Variants in JADE1 observed in about 807,000 individuals in gnomAD.
JADE1 encodes the protein protein Jade-1.
In JADE1, 14 loss-of-function variants were observed where a neutral mutation model predicts 81.8. That is an observed-to-expected ratio of 0.17 (90% CI 0.11 to 0.27). The LOEUF (loss-of-function observed/expected upper bound fraction) is 0.27, where lower values mean the gene tolerates loss of function less well. JADE1 is among the 10% of genes least tolerant of loss of function. The pLI is 1.00. For synonymous variants in JADE1, 353 were observed against 391.9 expected (o/e 0.90, Z 1.17); for missense variants, 690 against 1,047.9 (o/e 0.66, Z 4.71).
At chr4:128,842,458 C>T (rs1440607382) in intron 2 of JADE1, among the ~76,000 whole-genome samples, 1 of 152,068 alleles carries the variant, frequency 6.6e-6, no homozygotes, top group Non-Finnish European at 1.5e-5. Context: ...TGCCACCACG[C>T]GAAGCTAATT....
At chr4:128,856,725 C>T (rs1025036967) in intron 7 of JADE1, among the ~76,000 whole-genome samples, 2 of 151,942 alleles carry the variant, frequency 1.3e-5, no homozygotes, top group African/African-American at 4.8e-5. Context: ...GTACATTTTC[C>T]TCTTGGGGAA....
chr4:128,811,328 G>A (rs541361595), intron 1 of JADE1: 5 of 152,278 alleles, frequency 3.3e-5, no homozygotes, highest in African/African-American at 1.2e-4. Context: ...GCAGGTGCAC[G>A]GCACCCGCCA....
At chr4:128,842,887 C>T (rs934343844) in intron 2 of JADE1, 66 bp from the exon 3 acceptor site, 2 of 1,426,456 alleles carry the variant, frequency 1.4e-6, no homozygotes, top group Non-Finnish European at 2.0e-6. Flanking sequence ...GGTAAGAAAA[C>T]CCCTGAGAAC....
intron 1 of JADE1, among the ~76,000 whole-genome samples, chr4:128,816,086 TA>T (rs1727005672): frequency 6.6e-6 from 1 of 152,160 alleles, no homozygotes; most frequent in African/African-American, 2.4e-5. Context: ...TCAGCAATCT[TA>T]AATTAGGAAA....
At chr4:128,842,215 G>T (rs6857659) in intron 2 of JADE1, among the ~76,000 whole-genome samples, 124,815 of 152,164 alleles carry the variant, frequency 0.82, 51,452 homozygotes, top group South Asian at 0.92. Flanking sequence ...TAAGTTTTTA[G>T]GCCTTGTAGA....
At chr4:128,852,009 A>T in intron 5 of JADE1, 48 bp from the exon 6 acceptor site, 1 of 1,149,748 alleles carries the variant, frequency 8.7e-7, no homozygotes, top group Non-Finnish European at 1.3e-6. Context: ...TGTAATATTT[A>T]TTAATATGGA....
rs145375658 is a variant in JADE1, at chr4:128,872,122, G to A, written c.2389G>A (p.Asp797Asn). 143 of 1,614,154 alleles carry A rather than the reference G, an allele frequency of 8.9e-5. No individual in the cohort carries two copies. The highest frequency in any genetic ancestry group is 1.5e-4 in the South Asian group (14 of 91,082). ...KERAKSKLKS[D>N]NENDGYVPDV... ...AAGGGCAAAAAGCAAATTAAAATCC[G>A]ACAATGAGAATGACGGGTATGTCCC... Residue 797 changes from aspartate (D) to asparagine (N), a missense_variant, in exon 11 of 11, where the codon GAC becomes AAC. Transcript: ENST00000226319.
In JADE1 at chr4:128,871,524, A is replaced by C. The variant is rs147418266; in HGVS notation, c.1791A>C (p.Arg597=). 1.6e-4 allele frequency: 253 copies of C among 1,614,052 alleles called. No individual in the cohort carries two copies. The highest frequency in any genetic ancestry group is 2.0e-4 in the Non-Finnish European group (239 of 1,180,034). ...LVHSLKKPHK[R]DPLQNSPGSE... ...ATTCGCTGAAAAAGCCCCATAAGCG[A>C]GATCCTTTGCAGAATAGCCCTGGAA... Residue 597 remains arginine, a synonymous_variant, in exon 11 of 11, where the codon CGA becomes CGC. Transcript: ENST00000226319. The surrounding 1 kb of genome is among the most constrained non-coding windows in gnomAD (Gnocchi z 4.1).
intron 1 of JADE1, among the ~76,000 whole-genome samples, chr4:128,828,144 A>G (rs540608912): frequency 5.9e-5 from 9 of 152,060 alleles, no homozygotes; most frequent in African/African-American, 1.9e-4. Flanking sequence ...TTCATCCAGC[A>G]CCTCCTAATA....
At chr4:128,843,359 C>G (rs1729608895) in intron 3 of JADE1, among the ~76,000 whole-genome samples, 1 of 152,168 alleles carries the variant, frequency 6.6e-6, no homozygotes, top group African/African-American at 2.4e-5. Flanking sequence ...CTCCCAACAA[C>G]TTTTCTTCCT....
intron 2 of JADE1, among the ~76,000 whole-genome samples, chr4:128,832,091 A>C (rs1728607576): frequency 6.6e-6 from 1 of 152,200 alleles, no homozygotes. Flanking sequence ...TGGTTTTCCT[A>C]AACATCATTT....
intron 1 of JADE1, among the ~76,000 whole-genome samples, chr4:128,825,247 C>T (rs1241504792): frequency 1.3e-5 from 2 of 152,136 alleles, no homozygotes; most frequent in African/African-American, 4.8e-5. Context: ...CGCCATGTTG[C>T]TAGGCTGGTC....
At chr4:128,834,139 C>T (rs1728779793) in intron 2 of JADE1, among the ~76,000 whole-genome samples, 1 of 152,182 alleles carries the variant, frequency 6.6e-6, no homozygotes, top group African/African-American at 2.4e-5. Flanking sequence ...CAGAAGGCCT[C>T]ATATTAGTCA....
At chr4:128,866,740 G>A (rs1371179183) in intron 9 of JADE1, among the ~76,000 whole-genome samples, 1 of 152,200 alleles carries the variant, frequency 6.6e-6, no homozygotes, top group Non-Finnish European at 1.5e-5. Flanking sequence ...GTGAAGGCAT[G>A]CCTGTAGGAG....
chr4:128,856,934 T>C lies in JADE1; in HGVS notation c.865-404T>C, dbSNP rs189117402. 8.3e-4 allele frequency among the ~76,000 whole-genome samples: 127 copies of C among 152,326 alleles called. 1 individual carries two copies. The highest frequency in any genetic ancestry group is 2.8e-3 in the African/African-American group (116 of 41,560). ...GAAAATGGTTTTTTTTGGCGAGAGA[T>C]TAAAAACAGGTTATATTTACTTACC... is the stretch of plus-strand genomic sequence containing the variant. On this transcript the variant is annotated intron_variant, in intron 7 of 10. Coordinates refer to ENST00000226319, the MANE Select transcript of JADE1 (RefSeq NM_199320.4).
chr4:128,826,202 A>G (rs553283367), intron 1 of JADE1, among the ~76,000 whole-genome samples: 1 of 152,300 alleles, frequency 6.6e-6, no homozygotes, highest in Admixed American at 6.5e-5. Flanking sequence ...TGTCAGGGTG[A>G]GCCGTGTCGA....
In JADE1 at chr4:128,871,751, T is replaced by C. The variant is rs768121662; in HGVS notation, c.2018T>C (p.Leu673Ser). Residue 673 changes from leucine to serine, a missense_variant, in exon 11 of 11, where the codon TTA becomes TCA. Coordinates refer to ENST00000226319, the MANE Select transcript of JADE1 (RefSeq NM_199320.4). The surrounding 1 kb of genome is among the most constrained non-coding windows in gnomAD (Gnocchi z 4.1). ...RFHCDLIKGD[L>S]KDKSFKQSHK... ...CATTGTGATCTCATTAAAGGAGACT[T>C]AAAGGACAAATCTTTTAAACAGAGT... is the stretch of plus-strand genomic sequence containing the variant. The C allele has an allele frequency of 1.9e-6, 3 of 1,614,018 alleles. No homozygotes were observed. The African/African-American group carries it at 4.0e-5, about 22-fold the overall frequency.
chr4:128,850,187 A>C (rs1021201114), intron 5 of JADE1, among the ~76,000 whole-genome samples: 1 of 151,128 alleles, frequency 6.6e-6, no homozygotes, highest in Admixed American at 6.6e-5. Context: ...CCAGCCACTC[A>C]GGAGGCTGAG....
intron 1 of JADE1, among the ~76,000 whole-genome samples, chr4:128,811,001 G>A (rs1402290396): frequency 6.6e-6 from 1 of 152,210 alleles, no homozygotes; most frequent in African/African-American, 2.4e-5. Flanking sequence ...TGAACGTGTA[G>A]TGTGTACCCC....
Sources: gnomAD v4.1 joint callset for allele counts (sites outside exome capture counted in the v4.1 genomes callset) on GRCh38, gnomAD v4.1.1 for gene constraint, Gnocchi (gnomAD v3.1) non-coding constraint, MANE v1.5 for transcripts, NCBI Gene and HGNC (gene_info 2026-07-23, HGNC 2026-07-21) for gene names.